BRCA1: variants seen among roughly 807,000 people sequenced by gnomAD.
The protein encoded by BRCA1 is breast cancer type 1 susceptibility protein.
A neutral mutation model predicts 173.7 loss-of-function variants in BRCA1; 140 were observed. The ratio of observed to expected loss-of-function variants is 0.81; its 90% CI spans 0.70 to 0.93. BRCA1 has a LOEUF of 0.93. BRCA1 is among the 40% of genes least tolerant of loss of function. The probability of loss-of-function intolerance (pLI) is 0.00; values close to 1 mark genes in which losing one functional copy is unlikely to be tolerated. For synonymous variants in BRCA1, 662 were observed against 756.0 expected (o/e 0.88, Z 2.04); for missense variants, 1,983 against 2,172.5 (o/e 0.91, Z 1.73).
chr17:43,147,238 G>A (rs1166662414), intron 1 of BRCA1, among the ~76,000 whole-genome samples: 3 of 152,000 alleles, frequency 2.0e-5, no homozygotes, highest in African/African-American at 7.3e-5. Context: ...AGCCCAGGCT[G>A]GAGTGCAGTG....
chr17:43,081,987 C>T (rs895553982), intron 12 of BRCA1, among the ~76,000 whole-genome samples: 1 of 152,182 alleles, frequency 6.6e-6, no homozygotes, highest in Non-Finnish European at 1.5e-5. Context: ...GATGTCTCTC[C>T]CTATAAATCA....
At position 43,118,218 on chromosome 17, in the gene BRCA1, G is replaced by A. The variant is rs149469770; in HGVS notation, c.81-2439C>T. ...GAGCAGAGAAGGCAAACCCTGAGCAGGACCATGCCTGTGTATGCAGGACAT... is the reference window on the plus strand; with the variant it reads ...GAGCAGAGAAGGCAAACCCTGAGCAAGACCATGCCTGTGTATGCAGGACAT... On this transcript the variant is annotated intron_variant, in intron 2 of 22. Coordinates refer to ENST00000357654, the MANE Select transcript of BRCA1 (RefSeq NM_007294.4). Among the ~76,000 whole-genome samples, 3,397 of 152,214 alleles carry A rather than the reference G, an allele frequency of 0.022. 140 individuals are homozygous for A. The highest frequency in any genetic ancestry group is 0.079 in the African/African-American group (3,269 of 41,514).
chr17:43,097,126 A>G (rs2054170632), intron 8 of BRCA1, 118 bp downstream of exon 8: 2 of 1,044,882 alleles, frequency 1.9e-6, no homozygotes, highest in Admixed American at 2.1e-5. Context: ...AACTGCACAT[A>G]CATCCCTGAA....
intron 6 of BRCA1, among the ~76,000 whole-genome samples, chr17:43,101,030 C>T (rs1457727879): frequency 6.7e-6 from 1 of 149,016 alleles, no homozygotes; most frequent in Non-Finnish European, 1.5e-5. Flanking sequence ...CGTGCCTGGC[C>T]AATAACATTT....
intron 1 of BRCA1, chr17:43,144,172 G>A (rs557677854): frequency 1.7e-4 from 38 of 227,896 alleles, no homozygotes; most frequent in Non-Finnish European, 3.0e-4. Flanking sequence ...GCAGTGAGCC[G>A]AGATTGCACC....
At chr17:43,101,381 G>C (rs1178333548) in intron 6 of BRCA1, among the ~76,000 whole-genome samples, 1 of 151,934 alleles carries the variant, frequency 6.6e-6, no homozygotes, top group East Asian at 1.9e-4. Context: ...ATTTTTTGTA[G>C]CGATGGGGTT....
rs1555591782 is a variant in BRCA1 at position 43,094,127 on chromosome 17, C to T, written c.1404G>A (p.Lys468=). 6.2e-7 allele frequency: 1 copy of T among 1,614,076 alleles called. No individual in the cohort carries two copies. The highest frequency in any genetic ancestry group is 1.3e-5 in the African/African-American group (1 of 75,050). The stretch of plus-strand genomic sequence containing the variant: ...CATGGCTTAAGTTGGGGAGGCTTGC[C>T]TTCTTCCGATAGGTTTTCCCAAATA... ...DKIFGKTYRK[K]ASLPNLSHVT... Residue 468 remains lysine, a synonymous_variant, in exon 10 of 23, where the codon AAG becomes AAA. Coordinates refer to ENST00000357654, the MANE Select transcript of BRCA1 (RefSeq NM_007294.4).
intron 15 of BRCA1, among the ~76,000 whole-genome samples, chr17:43,068,439 G>A (rs2052243484): frequency 6.6e-6 from 1 of 151,398 alleles, no homozygotes; most frequent in South Asian, 2.1e-4. Flanking sequence ...GGCCAGACAC[G>A]GCAGCTCATG....
Position 43,125,252 on chromosome 17 carries a change from T to G in BRCA1, c.-20+19A>C. ...GAGCATCACTTGGGCCCCCTGTCCC[T>G]TTCCCGGGACTCTACTACCTTTACC... On this transcript the variant is annotated intron_variant, in intron 1 of 22. Transcript: ENST00000357654. 2.2e-6 allele frequency: 1 copy of G among 456,000 alleles called. No homozygotes were observed. The highest frequency in any genetic ancestry group is 4.4e-6 in the Non-Finnish European group (1 of 226,950). The allele number at this position is 456,000 out of a possible 1,614,324, so 28.2% of individuals were successfully genotyped here.
rs752811560 is a variant in BRCA1 at position 43,045,545 on chromosome 17, G to T, written c.*133C>A. On this transcript the variant is annotated 3_prime_UTR_variant, in exon 23 of 23. Transcript: ENST00000357654. ...CATAGCCAGAAGTCCTTTTCAGGCT[G>T]ATGTACATAAAATATTTAGTAGCCA... The T allele has an allele frequency of 1.0e-5, 14 of 1,362,104 alleles. No homozygotes were observed. Among genetic ancestry groups the T allele is most frequent in the African/African-American group, 1.4e-5 (1 of 69,292 alleles). The allele number at this position is 1,362,104 out of a possible 1,614,324, so 84.4% of individuals were successfully genotyped here.
At chr17:43,079,443 G>C (rs781317624) in intron 12 of BRCA1, 1 of 1,508,776 alleles carries the variant, frequency 6.6e-7, no homozygotes, top group Non-Finnish European at 9.1e-7. Context: ...AACGGGTACT[G>C]TTCAAAAAGG....
chr17:43,050,609 A>C (rs78201503), intron 20 of BRCA1, among the ~76,000 whole-genome samples: 1 of 116,090 alleles, frequency 8.6e-6, no homozygotes, highest in African/African-American at 3.0e-5. Context: ...ACTCGACCTC[A>C]AAAAAAAAGA....
In BRCA1 at chr17:43,124,054, T is replaced by C. The variant is rs80357031; in HGVS notation, c.43A>G (p.Ile15Val). 8 of 1,613,930 alleles carry C rather than the reference T, an allele frequency of 5.0e-6. No individual in the cohort carries two copies. The highest frequency in any genetic ancestry group is 6.8e-6 in the Non-Finnish European group (8 of 1,179,834). Residue 15 changes from isoleucine to valine, a missense_variant, in exon 2 of 23, where the codon ATT (isoleucine) becomes GTT (valine). Physicochemically the swap from Ile to Val is conservative, Grantham distance 29. Coordinates refer to ENST00000357654, the MANE Select transcript of BRCA1 (RefSeq NM_007294.4). ...ALRVEEVQNV[I>V]NAMQKILECP... ...TCTAAGATTTTCTGCATAGCATTAA[T>C]GACATTTTGTACTTCTTCAACGCGA...
At chr17:43,074,267 ATCTTTATGTAGGATTCAGAG>A in intron 14 of BRCA1, 44 bp downstream of exon 14, 2 of 1,583,372 alleles carry the variant, frequency 1.3e-6, no homozygotes, top group Non-Finnish European at 1.7e-6. Flanking sequence ...TAACCAGAAT[ATCTTTATGTAGGATTCAGAG>A]TAAAATCAAA....
chr17:43,102,608 G>A (rs973998059), intron 6 of BRCA1, among the ~76,000 whole-genome samples: 50 of 151,876 alleles, frequency 3.3e-4, no homozygotes, highest in Admixed American at 2.8e-3. Context: ...ACTGGCCTCA[G>A]CCTCCCAAGG....
At chr17:43,062,185 C>T (rs1386516997) in intron 18 of BRCA1, among the ~76,000 whole-genome samples, 3 of 135,640 alleles carry the variant, frequency 2.2e-5, no homozygotes, top group Non-Finnish European at 5.0e-5. Context: ...CCTTGAACTC[C>T]TGGGCTCAAG....
intron 3 of BRCA1, among the ~76,000 whole-genome samples, chr17:43,109,841 T>C (rs1261974499): frequency 2.0e-5 from 3 of 152,096 alleles, no homozygotes; most frequent in South Asian, 2.1e-4. Flanking sequence ...TATACAATTA[T>C]ATAAATAATT....
intron 1 of BRCA1, among the ~76,000 whole-genome samples, chr17:43,150,296 G>C (rs141259780): frequency 1.3e-3 from 204 of 152,118 alleles, no homozygotes; most frequent in African/African-American, 4.2e-3. Context: ...TTTTAGTAGA[G>C]ACAGGGTTTC....
intron 1 of BRCA1, among the ~76,000 whole-genome samples, chr17:43,149,559 A>C (rs901302176): frequency 2.0e-5 from 3 of 152,014 alleles, no homozygotes; most frequent in Admixed American, 6.6e-5. Flanking sequence ...AATAAAAGAG[A>C]AAGCAGAGAG....
Sources: gnomAD v4.1 joint callset for allele counts (sites outside exome capture counted in the v4.1 genomes callset) on GRCh38, gnomAD v4.1.1 for gene constraint, MANE v1.5 for transcripts, NCBI Gene and HGNC (gene_info 2026-07-23, HGNC 2026-07-21) for gene names.